The following MSH5 variants were observed in gnomAD, a reference collection of about 807,000 sequenced individuals.
The protein encoded by MSH5 is mutS homolog 5, also known as mutS protein homolog 5.
A neutral mutation model predicts 107.7 loss-of-function variants in MSH5; 78 were observed. The ratio of observed to expected loss-of-function variants is 0.72; its 90% CI spans 0.60 to 0.87. The LOEUF (loss-of-function observed/expected upper bound fraction) is 0.87. Among genes scored for constraint, MSH5 ranks in the 40% least tolerant of loss-of-function variants. The pLI, the probability that MSH5 is intolerant of heterozygous loss-of-function variation, is 0.00. For missense variants in MSH5, 889 were observed against 1,046.6 expected (o/e 0.85, Z 2.08); for synonymous variants, 326 against 399.5 (o/e 0.82, Z 2.19).
intron 9 of MSH5, among the ~76,000 whole-genome samples, chr6:31,745,785 T>TTGA: frequency 9.5e-6 from 1 of 104,726 alleles, no homozygotes; most frequent in Non-Finnish European, 1.9e-5. Flanking sequence ...TTTTTTTTTT[T>TTGA]GATACAGAGT....
At chr6:31,751,853 C>T (rs1809986610) in intron 10 of MSH5, among the ~76,000 whole-genome samples, 1 of 152,030 alleles carries the variant, frequency 6.6e-6, no homozygotes, top group Non-Finnish European at 1.5e-5. Flanking sequence ...AATTCCAGCA[C>T]TTTAGGAGGC....
rs1341059355 is a variant in MSH5 at position 31,762,147 on chromosome 6, G to A, written c.2355G>A (p.Lys785=). The A allele has an allele frequency of 4.3e-6, 7 of 1,614,138 alleles. No individual in the cohort carries two copies. Among genetic ancestry groups the A allele is most frequent in the Non-Finnish European group, 5.9e-6 (7 of 1,180,024 alleles). ...SDLIRSGKPI[K]PVKDLLKKNQ... is the part of the protein sequence containing the mutation. ...TGATCCGCAGTGGAAAACCCATCAAGCCTGTCAAGGATTTGCTAAAGAAGA... is the reference window on the plus strand; with the variant it reads ...TGATCCGCAGTGGAAAACCCATCAAACCTGTCAAGGATTTGCTAAAGAAGA... Residue 785 remains lysine, a synonymous_variant, in exon 24 of 25, where the codon AAG becomes AAA. Transcript: ENST00000375750.
chr6:31,756,087 A>G (rs988932621), intron 12 of MSH5, among the ~76,000 whole-genome samples: 3 of 151,998 alleles, frequency 2.0e-5, no homozygotes, highest in African/African-American at 7.2e-5. Context: ...AGAGGAACAT[A>G]ATGTCTGATA....
At chr6:31,754,820 C>T (rs1237500270) in intron 12 of MSH5, among the ~76,000 whole-genome samples, 1 of 144,270 alleles carries the variant, frequency 6.9e-6, no homozygotes, top group Non-Finnish European at 1.5e-5. Flanking sequence ...GGCATGATCT[C>T]GGCTCACTGC....
Position 31,759,559 on chromosome 6 carries a change from A to T in MSH5, c.1495+47A>T. 5 of 1,600,040 alleles carry T rather than the reference A, an allele frequency of 3.1e-6. No individual in the cohort carries two copies. The highest frequency in any genetic ancestry group is 4.3e-6 in the Non-Finnish European group (5 of 1,171,066). ...TATGCATTGTAAGATGTTTAAAAAA[A>T]GCAGCAGCCAGGGGAAGGAGGGGAG... is the stretch of plus-strand genomic sequence containing the variant. On this transcript the variant is annotated intron_variant, in intron 17 of 24. Transcript: ENST00000375750. This position sits in a 1 kb window ranked among gnomAD's most constrained non-coding sequence, Gnocchi z 4.7.
rs1257766063 is a variant in MSH5, at chr6:31,759,749, G to A, written c.1496-37G>A. 19 of 1,604,882 alleles carry A rather than the reference G, an allele frequency of 1.2e-5. No individual in the cohort carries two copies. The highest frequency in any genetic ancestry group is 3.3e-5 in the South Asian group (3 of 90,626). ...TCTGCCTCTCCTTCACTTTCCCCTG[G>A]AACTGACCTCCAGCTCCCTTCCTCA... is the stretch of plus-strand genomic sequence containing the variant. On this transcript the variant is annotated intron_variant, in intron 17 of 24. Coordinates refer to ENST00000375750, the MANE Select transcript of MSH5 (RefSeq NM_172166.4). The surrounding 1 kb of genome is among the most constrained non-coding windows in gnomAD (Gnocchi z 4.7).
intron 10 of MSH5, among the ~76,000 whole-genome samples, chr6:31,748,880 G>A (rs569773555): frequency 6.0e-5 from 9 of 150,224 alleles, no homozygotes; most frequent in African/African-American, 9.8e-5. Flanking sequence ...ATGGAAACAT[G>A]TCATGCCTGT....
Position 31,758,490 on chromosome 6 carries a change from G to C in MSH5, c.1144-58G>C. On this transcript the variant is annotated intron_variant, in intron 13 of 24. Coordinates refer to ENST00000375750, the MANE Select transcript of MSH5 (RefSeq NM_172166.4). The surrounding 1 kb of genome is among the most constrained non-coding windows in gnomAD (Gnocchi z 5.1). ...TGCAGGGAGAATTGGGGCCCAAGGA[G>C]AGCTGAGGAACAGGACAGAGGGTGC... is the stretch of plus-strand genomic sequence containing the variant. 1 of 1,599,200 alleles carries C rather than the reference G, an allele frequency of 6.3e-7. No individual in the cohort carries two copies. The highest frequency in any genetic ancestry group is 8.6e-7 in the Non-Finnish European group (1 of 1,167,846).
At chr6:31,755,366 A>T (rs1443079559) in intron 12 of MSH5, among the ~76,000 whole-genome samples, 1 of 149,906 alleles carries the variant, frequency 6.7e-6, no homozygotes. Context: ...TTATTTATTT[A>T]TTTATTTATT....
chr6:31,746,080 T>TTTGTGTGTGTG (rs1554205305), intron 9 of MSH5: 1 of 116,736 alleles, frequency 8.6e-6, no homozygotes, highest in Non-Finnish European at 1.7e-5. Flanking sequence ...GTGTCCAGTT[T>TTTGTGTGTGTG]TGTGTGTGTG....
At position 31,758,030 on chromosome 6, in the gene MSH5, C is replaced by G. The variant is rs143247698; in HGVS notation, c.1015-135C>G. 5 of 1,097,942 alleles carry G rather than the reference C, an allele frequency of 4.6e-6. No individual in the cohort carries two copies. In the African/African-American group the frequency reaches 7.7e-5, roughly 17 times the overall value. 68.0% of individuals were successfully genotyped at this position (1,097,942 alleles called of 1,614,324 possible). ...TTTGGTACAGTGCCTCTCACTGTTT[C>G]TTTTTGCCTTTGAGATCTTCCCTCT... On this transcript the variant is annotated intron_variant, in intron 12 of 24. Transcript: ENST00000375750. This position sits in a 1 kb window ranked among gnomAD's most constrained non-coding sequence, Gnocchi z 5.1.
chr6:31,759,268 T>C lies in MSH5; in HGVS notation c.1407+91T>C. 7.3e-7 allele frequency: 1 copy of C among 1,375,228 alleles called. No individual in the cohort carries two copies. The highest frequency in any genetic ancestry group is 1.0e-6 in the Non-Finnish European group (1 of 964,554). The allele number at this position is 1,375,228 out of a possible 1,614,324, so 85.2% of individuals were successfully genotyped here. ...TACTCTACAGCAGCACTGCCCAATA[T>C]GGGATCTCTCCTCTGTAGTTTTACT... On this transcript the variant is annotated intron_variant, in intron 16 of 24. Coordinates refer to ENST00000375750, the MANE Select transcript of MSH5 (RefSeq NM_172166.4). The surrounding 1 kb of genome is among the most constrained non-coding windows in gnomAD (Gnocchi z 4.7).
chr6:31,741,111 C>G (rs1808827217), intron 2 of MSH5, 52 bp from the exon 3 acceptor site: 4 of 1,603,018 alleles, frequency 2.5e-6, no homozygotes, highest in Non-Finnish European at 3.4e-6. Flanking sequence ...ATGGTAAACC[C>G]TACACTTATG....
chr6:31,746,082 G>GTGTGTGTGTGTGTGTGTGTGTA (rs1809428746), intron 9 of MSH5: 1 of 142,242 alleles, frequency 7.0e-6, no homozygotes, highest in Non-Finnish European at 1.5e-5. Flanking sequence ...GTCCAGTTTT[G>GTGTGTGTGTGTGTGTGTGTGTA]TGTGTGTGTG....
chr6:31,759,872 C>T lies in MSH5; in HGVS notation c.1582C>T (p.Arg528Cys), dbSNP rs1237740792. The T allele has an allele frequency of 2.1e-5, 34 of 1,614,054 alleles. No homozygotes were observed. The highest frequency in any genetic ancestry group is 2.5e-5 in the Non-Finnish European group (30 of 1,180,050). The change falls in exon 18 of 25, where the codon CGC becomes TGC. Residue 528 changes from arginine (R) to cysteine (C), a missense_variant. Physicochemically the swap from Arg to Cys is radical, Grantham distance 180. This residue lies in a region of MSH5 where 362 missense variants were observed against 456.2 expected (regional missense o/e 0.79). Coordinates refer to ENST00000375750, the MANE Select transcript of MSH5 (RefSeq NM_172166.4). The surrounding 1 kb of genome is among the most constrained non-coding windows in gnomAD (Gnocchi z 4.7). ...VLTRVLDLASRLDVLLALASA... is the reference protein window; with the variant it reads ...VLTRVLDLASCLDVLLALASA... Reference sequence around the variant, plus strand: ...AACCCGAGTATTGGACCTTGCCTCCCGCCTGGACGTCCTGCTGGCTCTTGC... The same window carrying T: ...AACCCGAGTATTGGACCTTGCCTCCTGCCTGGACGTCCTGCTGGCTCTTGC...
chr6:31,759,658 T>C lies in MSH5; in HGVS notation c.1496-128T>C, dbSNP rs530493205. 2.2e-6 allele frequency: 3 copies of C among 1,363,036 alleles called. No homozygotes were observed. Among genetic ancestry groups the C allele is most frequent in the Non-Finnish European group, 3.1e-6 (3 of 980,676 alleles). 84.4% of individuals were successfully genotyped at this position (1,363,036 alleles called of 1,614,324 possible). On this transcript the variant is annotated intron_variant, in intron 17 of 24. Transcript: ENST00000375750. This position sits in a 1 kb window ranked among gnomAD's most constrained non-coding sequence, Gnocchi z 4.7. ...TGTCTCGCTCACTCTGACTCTATCT[T>C]TTCCTCTGAATGTCTTGAGGTCTCA... is the stretch of plus-strand genomic sequence containing the variant.
chr6:31,747,094 C>T (rs945772212), intron 9 of MSH5, among the ~76,000 whole-genome samples: 3 of 152,172 alleles, frequency 2.0e-5, no homozygotes, highest in African/African-American at 7.2e-5. Context: ...GCTGGGATTA[C>T]AGGCGTGAGC....
rs1810132273 is a variant in MSH5 at position 31,753,329 on chromosome 6, C to G, written c.841C>G (p.Leu281Val). 1.2e-6 allele frequency: 2 copies of G among 1,613,878 alleles called. No homozygotes were observed. The highest frequency in any genetic ancestry group is 1.3e-5 in the African/African-American group (1 of 75,052). The change falls in exon 11 of 25, where the codon CTG becomes GTG. Residue 281 changes from leucine (L) to valine (V), a missense_variant. Physicochemically the swap from Leu to Val is conservative, Grantham distance 32 (BLOSUM62 1). Transcript: ENST00000375750. ...ATGGTTCACACGTCCGACTCATGAC[C>G]TGGGGGAGCTCAGTTCTCGTCTGGA... ...RLWFTRPTHDLGELSSRLDVI... is the reference protein window; with the variant it reads ...RLWFTRPTHDVGELSSRLDVI...
Position 31,760,311 on chromosome 6 carries a change from C to T in MSH5, c.1812+95C>T. 6.8e-7 allele frequency: 1 copy of T among 1,460,926 alleles called. No homozygotes were observed. The highest frequency in any genetic ancestry group is 9.1e-7 in the Non-Finnish European group (1 of 1,093,012). The allele number at this position is 1,460,926 out of a possible 1,614,324, so 90.5% of individuals were successfully genotyped here. A position where few individuals can be genotyped will look rare whatever the true frequency, so the allele number is the denominator to read the frequency against. On this transcript the variant is annotated intron_variant, in intron 19 of 24. Transcript: ENST00000375750. The surrounding 1 kb of genome is among the most constrained non-coding windows in gnomAD (Gnocchi z 5.6). ...ACTCAGGCTCCTGCAGCTCTTCTCCCATTTTCTGACCCCGCTCTTCATGAA... is the reference window on the plus strand; with the variant it reads ...ACTCAGGCTCCTGCAGCTCTTCTCCTATTTTCTGACCCCGCTCTTCATGAA...
Sources: allele counts gnomAD v4.1 joint callset (sites outside exome capture counted in the v4.1 genomes callset), GRCh38; gene constraint gnomAD v4.1.1; regional missense constraint gnomAD v4.1.1; non-coding constraint Gnocchi (gnomAD v3.1); transcripts MANE v1.5; gene names NCBI Gene and HGNC (gene_info 2026-07-23, HGNC 2026-07-21).